VSNL1: variants seen among roughly 807,000 people sequenced by gnomAD.
The protein encoded by VSNL1 is visinin-like protein 1.
In VSNL1, 6 loss-of-function variants were observed where a neutral mutation model predicts 20.4. The observed-to-expected ratio is 0.29, with a 90% CI of 0.16 to 0.58. The LOEUF is 0.58. Among genes scored for constraint, VSNL1 ranks in the 20% least tolerant of loss-of-function variants. The pLI, the probability that VSNL1 is intolerant of heterozygous loss-of-function variation, is 0.90. For missense variants in VSNL1, 100 were observed against 234.5 expected, an observed-to-expected ratio of 0.43 and a Z score of 3.75; for synonymous variants, 93 against 86.4, an observed-to-expected ratio of 1.08 and a Z score of -0.42.
At chr2:17,541,206 C>G (rs577162767) in intron 1 of VSNL1, 21 of 152,080 alleles carry the variant, frequency 1.4e-4, no homozygotes, top group Non-Finnish European at 2.9e-4. Context: ...CTTAGTTTGT[C>G]TTAGACAGAT....
At chr2:17,553,128 A>C (rs151276802) in intron 1 of VSNL1, among the ~76,000 whole-genome samples, 1 of 152,194 alleles carries the variant, frequency 6.6e-6, no homozygotes, top group Admixed American at 6.5e-5. Context: ...ATAGTAGGCC[A>C]AAAAGCGTGG....
intron 1 of VSNL1, among the ~76,000 whole-genome samples, chr2:17,590,599 C>T (rs1252402221): frequency 6.6e-6 from 1 of 152,114 alleles, no homozygotes; most frequent in Non-Finnish European, 1.5e-5. Context: ...CGAGATTGTG[C>T]TGAGTGGAAA....
chr2:17,627,488 G>T (rs186228918), intron 2 of VSNL1, among the ~76,000 whole-genome samples: 338 of 152,332 alleles, frequency 2.2e-3, no homozygotes, highest in Non-Finnish European at 3.8e-3. Flanking sequence ...ACTCAAATCA[G>T]TCTCTCTGAA....
intron 2 of VSNL1, among the ~76,000 whole-genome samples, chr2:17,642,309 C>CTTTTTTTTTCTTTTTTTTT (rs1665898086): frequency 1.1e-5 from 1 of 93,194 alleles, no homozygotes; most frequent in African/African-American, 3.8e-5. Context: ...GTGAGCATTC[C>CTTTTTTTTTCTTTTTTTTT]TTTTTTTTTT....
chr2:17,622,444 G>A (rs1282113092), intron 2 of VSNL1, among the ~76,000 whole-genome samples: 2 of 148,926 alleles, frequency 1.3e-5, no homozygotes, highest in African/African-American at 5.0e-5. Flanking sequence ...GTCGCAGTGA[G>A]CCAAGATCGC....
chr2:17,602,306 G>A (rs1212395043), intron 2 of VSNL1, among the ~76,000 whole-genome samples: 16 of 152,198 alleles, frequency 1.1e-4, no homozygotes, highest in Admixed American at 4.6e-4. Context: ...CCATTCTCAT[G>A]ACTACTGTGA....
At chr2:17,636,597 A>G (rs1414646141) in intron 2 of VSNL1, among the ~76,000 whole-genome samples, 1 of 152,238 alleles carries the variant, frequency 6.6e-6, no homozygotes, top group African/African-American at 2.4e-5. Context: ...ACCTGCTTCA[A>G]AGACTTAGTC....
rs190864063 is a variant in VSNL1, at chr2:17,608,415, G to C, written c.162+16179G>C. ...CTCAGCCCCAGTCAAATCTCTTGCAGACTTCAAAGCTGGTGCCCGGAGACA... is the reference window on the plus strand; with the variant it reads ...CTCAGCCCCAGTCAAATCTCTTGCACACTTCAAAGCTGGTGCCCGGAGACA... On this transcript the variant is annotated intron_variant, in intron 2 of 3. Coordinates refer to ENST00000295156, the MANE Select transcript of VSNL1 (RefSeq NM_003385.5). Among the ~76,000 whole-genome samples, 413 of 152,368 alleles carry C rather than the reference G, an allele frequency of 2.7e-3. 1 individual carries two copies. Among genetic ancestry groups the C allele is most frequent in the Non-Finnish European group, 4.7e-3 (318 of 68,044 alleles).
chr2:17,620,808 G>T (rs1056484604), intron 2 of VSNL1, among the ~76,000 whole-genome samples: 1 of 152,196 alleles, frequency 6.6e-6, no homozygotes, highest in African/African-American at 2.4e-5. Flanking sequence ...TCATCTGCTA[G>T]TGTAAAACAG....
intron 1 of VSNL1, among the ~76,000 whole-genome samples, chr2:17,550,912 T>TATA (rs1204384834): frequency 6.6e-6 from 1 of 152,218 alleles, no homozygotes; most frequent in Non-Finnish European, 1.5e-5. Flanking sequence ...ATAATCACTG[T>TATA]ATACATGCCA....
chr2:17,542,706 G>A (rs534553092), intron 1 of VSNL1, among the ~76,000 whole-genome samples: 58 of 152,162 alleles, frequency 3.8e-4, no homozygotes, highest in Non-Finnish European at 7.1e-4. Flanking sequence ...GCATCAGTTC[G>A]ATGAATGGTG....
chr2:17,644,150 A>G (rs1455173238), intron 2 of VSNL1, among the ~76,000 whole-genome samples: 1 of 151,832 alleles, frequency 6.6e-6, no homozygotes, highest in Non-Finnish European at 1.5e-5. Context: ...ATGGGGTCCT[A>G]TTCCTGGGGG....
chr2:17,612,613 G>C (rs1052984286), intron 2 of VSNL1, among the ~76,000 whole-genome samples: 4 of 152,200 alleles, frequency 2.6e-5, no homozygotes, highest in African/African-American at 9.7e-5. Context: ...ACAGGAGTAT[G>C]CATTTTTGAT....
intron 2 of VSNL1, among the ~76,000 whole-genome samples, chr2:17,593,702 A>C (rs1261326130): frequency 6.6e-6 from 1 of 152,236 alleles, no homozygotes; most frequent in African/African-American, 2.4e-5. Context: ...GATCTGGGTA[A>C]TCAATTATTA....
intron 2 of VSNL1, among the ~76,000 whole-genome samples, chr2:17,602,000 A>T (rs1317880363): frequency 6.6e-6 from 1 of 152,234 alleles, no homozygotes; most frequent in African/African-American, 2.4e-5. Flanking sequence ...GGACTTGAAC[A>T]TGCAAAATCA....
chr2:17,562,083 A>C (rs544087462), intron 1 of VSNL1, among the ~76,000 whole-genome samples: 1 of 152,320 alleles, frequency 6.6e-6, no homozygotes. Flanking sequence ...AAGTGTTCCC[A>C]ATCTTTTTCA....
At chr2:17,644,620 C>T (rs867693104) in intron 2 of VSNL1, among the ~76,000 whole-genome samples, 1 of 152,178 alleles carries the variant, frequency 6.6e-6, no homozygotes, top group African/African-American at 2.4e-5. Context: ...TCCTGCACCC[C>T]TTAGTGATGT....
chr2:17,649,496 A>G lies in VSNL1; in HGVS notation c.249A>G (p.Arg83=), dbSNP rs1303778531. Residue 83 remains arginine, a synonymous_variant, in exon 3 of 4, where the codon CGA becomes CGG. Coordinates refer to ENST00000295156, the MANE Select transcript of VSNL1 (RefSeq NM_003385.5). This position sits in a 1 kb window ranked among gnomAD's most constrained non-coding sequence, Gnocchi z 6.4. The part of the protein sequence containing the change: ...DKNGDGTIDF[R]EFICALSITS... ...ATGGGGACGGCACCATTGACTTCCG[A>G]GAGTTCATCTGCGCTCTGTCCATCA... The G allele has an allele frequency of 1.9e-6, 3 of 1,614,086 alleles. No homozygotes were observed. The Admixed American group carries it at 5.0e-5, about 27-fold the overall frequency.
chr2:17,647,679 C>T (rs986876015), intron 2 of VSNL1, among the ~76,000 whole-genome samples: 1 of 152,192 alleles, frequency 6.6e-6, no homozygotes, highest in African/African-American at 2.4e-5. Flanking sequence ...CTCTACAACT[C>T]CCTCCTTGAA....
Sources: allele counts gnomAD v4.1 joint callset (sites outside exome capture counted in the v4.1 genomes callset), GRCh38; gene constraint gnomAD v4.1.1; non-coding constraint Gnocchi (gnomAD v3.1); transcripts MANE v1.5; gene names NCBI Gene and HGNC (gene_info 2026-07-23, HGNC 2026-07-21).